The following NUP210L variants were observed in gnomAD, a reference collection of about 807,000 sequenced individuals.
NUP210L encodes the protein nucleoporin 210 like.
Under a neutral mutation model 208.5 loss-of-function variants are expected in NUP210L, and 74 were observed. The ratio of observed to expected loss-of-function variants is 0.35; its 90% CI spans 0.29 to 0.43. The LOEUF (loss-of-function observed/expected upper bound fraction) is 0.43, where lower values mean the gene tolerates loss of function less well. Ranked by LOEUF, NUP210L falls within the 20% of genes least tolerant of loss-of-function variation. The pLI is 1.00. For synonymous variants in NUP210L, 780 were observed against 816.9 expected (o/e 0.95, Z 0.77); for missense variants, 1,843 against 2,289.4 (o/e 0.81, Z 3.98).
At chr1:154,112,647 G>A (rs1186891352) in intron 12 of NUP210L, among the ~76,000 whole-genome samples, 1 of 152,018 alleles carries the variant, frequency 6.6e-6, no homozygotes, top group Non-Finnish European at 1.5e-5. Flanking sequence ...CTTGAGCCCA[G>A]GAGTTCAAGT....
chr1:154,061,032 C>A, exon 19 of NUP210L: 1 of 1,610,586 alleles, frequency 6.2e-7, no homozygotes, highest in Non-Finnish European at 8.5e-7. Context: ...CAGATCTGGG[C>A]AAGTTGGAAA....
At chr1:154,132,651 T>G (rs1309665541) in intron 7 of NUP210L, among the ~76,000 whole-genome samples, 2 of 151,770 alleles carry the variant, frequency 1.3e-5, no homozygotes, top group Non-Finnish European at 2.9e-5. Context: ...ACTGAAAATA[T>G]GGGGGAAAAA....
intron 27 of NUP210L, among the ~76,000 whole-genome samples, chr1:154,040,650 G>A (rs1442989058): frequency 6.7e-6 from 1 of 150,124 alleles, no homozygotes; most frequent in Non-Finnish European, 1.5e-5. Flanking sequence ...GCAGTGGCGT[G>A]ATCTTGGCTC....
chr1:154,070,531 A>G (rs925339518), intron 16 of NUP210L, 66 bp from the exon 17 acceptor site: 4 of 1,086,054 alleles, frequency 3.7e-6, no homozygotes, highest in African/African-American at 1.6e-5. Context: ...GTAGTAAGAT[A>G]TCTCTAAAGC....
chr1:154,017,297 A>AGG (rs201269662), intron 33 of NUP210L, among the ~76,000 whole-genome samples: 5 of 146,538 alleles, frequency 3.4e-5, no homozygotes. Context: ...AAAAAAAAAA[A>AGG]GGGGGGGGCT....
intron 33 of NUP210L, among the ~76,000 whole-genome samples, chr1:154,013,129 C>T (rs537850221): frequency 2.0e-5 from 3 of 151,584 alleles, no homozygotes; most frequent in South Asian, 2.1e-4. Context: ...AACTCCTGGC[C>T]GCAAGCCATC....
chr1:154,140,176 C>T (rs1381914143), intron 4 of NUP210L, among the ~76,000 whole-genome samples: 1 of 151,510 alleles, frequency 6.6e-6, no homozygotes, highest in African/African-American at 2.4e-5. Context: ...CATGGCAAAA[C>T]TCCATCTCTA....
chr1:154,086,116 G>C (rs1163502754), intron 16 of NUP210L, among the ~76,000 whole-genome samples: 3 of 151,532 alleles, frequency 2.0e-5, no homozygotes, highest in African/African-American at 7.3e-5. Flanking sequence ...GGAGGCTGAG[G>C]CATGAGAATA....
chr1:154,048,910 C>T (rs1033289088), intron 25 of NUP210L, among the ~76,000 whole-genome samples: 2 of 152,170 alleles, frequency 1.3e-5, no homozygotes, highest in East Asian at 1.9e-4. Flanking sequence ...GCGTATAGCA[C>T]GGCTCCTGAT....
At chr1:154,003,543 C>G (rs756887322) in intron 35 of NUP210L, among the ~76,000 whole-genome samples, 1 of 152,074 alleles carries the variant, frequency 6.6e-6, no homozygotes, top group Non-Finnish European at 1.5e-5. Flanking sequence ...CTTGCTCTTG[C>G]CCAGGCCGGA....
At chr1:154,054,317 C>T in exon 25 of NUP210L, 2 of 1,614,228 alleles carry the variant, frequency 1.2e-6, no homozygotes, top group Non-Finnish European at 1.7e-6. Context: ...TTCCCTGTAA[C>T]TTGCCCCCTC....
intron 27 of NUP210L, among the ~76,000 whole-genome samples, chr1:154,034,292 C>T (rs778796829): frequency 2.0e-5 from 3 of 152,040 alleles, no homozygotes; most frequent in Non-Finnish European, 4.4e-5. Context: ...TAAAATACAG[C>T]AATGAGACCA....
At chr1:154,056,936 T>C in exon 23 of NUP210L, 1 of 1,608,908 alleles carries the variant, frequency 6.2e-7, no homozygotes. Context: ...TTCGTCCTGT[T>C]GCTCCATTGG....
intron 33 of NUP210L, among the ~76,000 whole-genome samples, chr1:154,013,006 CAAAAAAAAA>C (rs149011212): frequency 1.4e-5 from 1 of 72,638 alleles, no homozygotes; most frequent in Non-Finnish European, 2.4e-5. Flanking sequence ...AACTCTGAAT[CAAAAAAAAA>C]AAAAAAAAAC....
At chr1:154,068,903 C>T (rs2148009816) in intron 17 of NUP210L, among the ~76,000 whole-genome samples, 1 of 152,070 alleles carries the variant, frequency 6.6e-6, no homozygotes, top group East Asian at 1.9e-4. Flanking sequence ...TGCAGCGCAC[C>T]AGCATGGCAC....
At chr1:154,009,624 TAAAAAAAAA>T (rs35760411) in intron 35 of NUP210L, among the ~76,000 whole-genome samples, 29 of 55,452 alleles carry the variant, frequency 5.2e-4, no homozygotes, top group African/African-American at 1.9e-3. Context: ...ACGTTGCTCT[TAAAAAAAAA>T]AAAAAAAAAA....
At chr1:154,111,778 T>C (rs1657049058) in intron 12 of NUP210L, among the ~76,000 whole-genome samples, 1 of 151,616 alleles carries the variant, frequency 6.6e-6, no homozygotes, top group African/African-American at 2.4e-5. Context: ...TCCAAACTTA[T>C]TCTATGTGGC....
exon 35 of NUP210L, chr1:154,009,980 A>T: frequency 6.2e-7 from 1 of 1,610,290 alleles, no homozygotes; most frequent in Non-Finnish European, 8.5e-7. Flanking sequence ...ACCTTTCTCC[A>T]TACTGAAATC....
chr1:154,048,902 G>A (rs377283354), intron 25 of NUP210L, among the ~76,000 whole-genome samples: 32 of 152,164 alleles, frequency 2.1e-4, no homozygotes, highest in Non-Finnish European at 2.2e-4. Flanking sequence ...CCAGGAGAGC[G>A]TATAGCACGG....
Sources: gnomAD v4.1 joint callset for allele counts (sites outside exome capture counted in the v4.1 genomes callset) on GRCh38, gnomAD v4.1.1 for gene constraint, MANE v1.5 for transcripts, NCBI Gene and HGNC (gene_info 2026-07-23, HGNC 2026-07-21) for gene names.